C1orf105: variants seen among roughly 807,000 people sequenced by gnomAD.
The protein encoded by C1orf105 is uncharacterized protein C1orf105.
C1orf105 carries 17 observed loss-of-function variants against 20.8 expected under a neutral mutation model. The ratio of observed to expected loss-of-function variants is 0.82; its 90% CI spans 0.56 to 1.23. The LOEUF (loss-of-function observed/expected upper bound fraction) is 1.23. C1orf105 is among the 50% of genes most tolerant of loss of function. C1orf105 has a pLI of 0.00. For missense variants in C1orf105, 219 were observed against 213.5 expected (o/e 1.03, Z -0.16); for synonymous variants, 72 against 72.1 (o/e 1.00, Z 0.01).
chr1:172,437,569 C>T (rs2072077702), intron 1 of C1orf105, among the ~76,000 whole-genome samples: 1 of 106,124 alleles, frequency 9.4e-6, no homozygotes, highest in African/African-American at 3.9e-5. Flanking sequence ...GAACATCACA[C>T]ACTGGGGCCT....
intron 4 of C1orf105, among the ~76,000 whole-genome samples, chr1:172,460,752 G>C (rs989370816): frequency 6.6e-6 from 1 of 152,106 alleles, no homozygotes; most frequent in African/African-American, 2.4e-5. Flanking sequence ...AACAGAAATA[G>C]ATCTGATGGG....
chr1:172,450,569 AC>A (rs1648512401), intron 3 of C1orf105, among the ~76,000 whole-genome samples: 1 of 152,218 alleles, frequency 6.6e-6, no homozygotes, highest in South Asian at 2.1e-4. Flanking sequence ...TAAATCAGGG[AC>A]CTGACAAGAA....
intron 6 of C1orf105, chr1:172,465,584 A>C (rs1014602468): frequency 4.5e-6 from 3 of 660,402 alleles, no homozygotes; most frequent in Non-Finnish European, 8.4e-6. Flanking sequence ...ACTTGCCCTT[A>C]TACATGTCAT....
intron 1 of C1orf105, among the ~76,000 whole-genome samples, chr1:172,439,505 G>A (rs978630479): frequency 2.0e-4 from 30 of 151,828 alleles, no homozygotes; most frequent in Admixed American, 1.6e-3. Context: ...CATCTATCCC[G>A]CAACTCTCCG....
intron 1 of C1orf105, chr1:172,441,382 CACACACACACTT>C (rs1319742273): frequency 1.7e-5 from 3 of 174,396 alleles, no homozygotes; most frequent in African/African-American, 2.4e-5. Flanking sequence ...CACACACACA[CACACACACACTT>C]ACTTCACTCT....
Position 172,420,690 on chromosome 1 carries a change from G to A in C1orf105, c.-196G>A, listed in dbSNP as rs1409098003. On this transcript the variant is annotated 5_prime_UTR_variant, in exon 1 of 7. It removes an upstream start codon present in the reference 5' UTR. Coordinates refer to ENST00000367727, the MANE Select transcript of C1orf105 (RefSeq NM_139240.4). The stretch of plus-strand genomic sequence containing the variant: ...TGAATGGAATTATATGATTCAAGAT[G>A]TAAATCACACAGATGTTGGTAGAGA... The A allele has an allele frequency of 8.5e-6, 5 of 588,658 alleles. No homozygotes were observed. Among genetic ancestry groups the A allele is most frequent in the South Asian group, 2.0e-5 (1 of 51,164 alleles). 36.5% of individuals were successfully genotyped at this position (588,658 alleles called of 1,614,324 possible). A position where few individuals can be genotyped will look rare whatever the true frequency, so the allele number is the denominator to read the frequency against.
At chr1:172,439,170 G>A (rs922018841) in intron 1 of C1orf105, among the ~76,000 whole-genome samples, 4 of 152,132 alleles carry the variant, frequency 2.6e-5, no homozygotes, top group African/African-American at 9.7e-5. Context: ...GCACATATAT[G>A]TGAATGGTAT....
Position 172,448,462 on chromosome 1 carries a change from T to G in C1orf105, c.129T>G (p.Thr43=). 1 of 1,612,840 alleles carries G rather than the reference T, an allele frequency of 6.2e-7. No individual in the cohort carries two copies. The highest frequency in any genetic ancestry group is 8.5e-7 in the Non-Finnish European group (1 of 1,178,826). The change falls in exon 3 of 7, where the codon ACT becomes ACG. Residue 43 remains threonine, a synonymous_variant. Transcript: ENST00000367727. The stretch of plus-strand genomic sequence containing the variant: ...TTAGATATCCTCATACCTCTGCGAC[T>G]TTTCTGACTTCATCCAAGAAGAATA... ...LPRRYPHTSA[T]FLTSSKKNMN...
chr1:172,423,192 T>C (rs1314270105), intron 1 of C1orf105, among the ~76,000 whole-genome samples: 1 of 152,202 alleles, frequency 6.6e-6, no homozygotes, highest in Non-Finnish European at 1.5e-5. Context: ...AGTGCTATGC[T>C]GGCTTCAGGT....
intron 3 of C1orf105, among the ~76,000 whole-genome samples, chr1:172,452,552 T>G (rs147041416): frequency 2.0e-5 from 3 of 151,314 alleles, no homozygotes; most frequent in African/African-American, 7.3e-5. Flanking sequence ...GAAAGGAGAG[T>G]AGAGGGAGAG....
chr1:172,440,378 T>C (rs543812826), intron 1 of C1orf105, among the ~76,000 whole-genome samples: 7 of 152,362 alleles, frequency 4.6e-5, no homozygotes, highest in African/African-American at 1.7e-4. Flanking sequence ...AGCTATTACA[T>C]AGTGCTGATG....
chr1:172,467,754 G>C (rs1476330601), intron 6 of C1orf105, among the ~76,000 whole-genome samples: 1 of 152,138 alleles, frequency 6.6e-6, no homozygotes, highest in Non-Finnish European at 1.5e-5. Context: ...AGAATTCAGA[G>C]TTCCAATTCT....
intron 2 of C1orf105, among the ~76,000 whole-genome samples, chr1:172,446,013 C>G (rs919799936): frequency 5.9e-5 from 9 of 152,150 alleles, no homozygotes; most frequent in Non-Finnish European, 4.4e-5. Flanking sequence ...ACTTCATAAG[C>G]AAATTCCCAT....
At chr1:172,442,578 C>T (rs1391805546) in intron 1 of C1orf105, 1 of 1,613,954 alleles carries the variant, frequency 6.2e-7, no homozygotes, top group Non-Finnish European at 8.5e-7. Context: ...ACAAGACCTT[C>T]TGCCACTTGA....
In C1orf105 at chr1:172,448,489, G is replaced by GAATTTGCC; in HGVS notation, c.162_169dup (p.Leu57CysfsTer36). 1 of 1,613,742 alleles carries GAATTTGCC rather than the reference G, an allele frequency of 6.2e-7. No individual in the cohort carries two copies. Reference sequence around the variant, plus strand: ...TTCTGACTTCATCCAAGAAGAATATGAATTTGCCAATTTTGTTTCAAGTTC... The same window carrying GAATTTGCC: ...TTCTGACTTCATCCAAGAAGAATATGAATTTGCCAATTTGCCAATTTTGTTTCAAGTTC... On this transcript the variant is annotated frameshift_variant, in exon 3 of 7. Transcript: ENST00000367727. LOFTEE classifies it high-confidence loss of function.
intron 2 of C1orf105, among the ~76,000 whole-genome samples, chr1:172,447,952 T>A (rs111631653): frequency 0.013 from 1,913 of 152,244 alleles, 16 homozygotes; most frequent in Middle Eastern, 0.02. Flanking sequence ...CTGCTTCAAC[T>A]GCTAACTAGA....
intron 4 of C1orf105, among the ~76,000 whole-genome samples, chr1:172,460,475 CTG>C (rs1649609434): frequency 6.6e-6 from 1 of 152,188 alleles, no homozygotes; most frequent in Non-Finnish European, 1.5e-5. Flanking sequence ...TGTAGTCCTT[CTG>C]TTATCTGCAT....
At chr1:172,465,457 C>T in intron 6 of C1orf105, 94 bp downstream of exon 6, 1 of 966,880 alleles carries the variant, frequency 1.0e-6, no homozygotes, top group South Asian at 1.3e-5. Flanking sequence ...TTCTAAATTT[C>T]CTGAGCAAAT....
At chr1:172,466,675 G>A (rs1650087020) in intron 6 of C1orf105, among the ~76,000 whole-genome samples, 1 of 151,868 alleles carries the variant, frequency 6.6e-6, no homozygotes, top group African/African-American at 2.4e-5. Flanking sequence ...TGGTCCTAGA[G>A]AACAATGTAA....
Sources: gnomAD v4.1 joint callset for allele counts (sites outside exome capture counted in the v4.1 genomes callset) on GRCh38, gnomAD v4.1.1 for gene constraint, MANE v1.5 for transcripts, NCBI Gene and HGNC (gene_info 2026-07-23, HGNC 2026-07-21) for gene names.